Variants in TRMT11 observed in about 807,000 individuals in gnomAD.
TRMT11 encodes tRNA methyltransferase 11, also known as tRNA (guanine(10)-N(2))-methyltransferase TRMT11.
In TRMT11, 53 loss-of-function variants were observed where a neutral mutation model predicts 62.8. The observed-to-expected ratio is 0.84, with a 90% confidence interval of 0.68 to 1.06. TRMT11 has a LOEUF of 1.06. Among genes scored for constraint, TRMT11 ranks in the 50% least tolerant of loss-of-function variants. The probability of loss-of-function intolerance (pLI) is 0.00; values close to 1 mark genes in which losing one functional copy is unlikely to be tolerated. For missense variants in TRMT11, 556 were observed against 553.4 expected (o/e 1.00, Z -0.05); for synonymous variants, 188 against 190.3 (o/e 0.99, Z 0.10).
In TRMT11 at chr6:126,186,712, T is replaced by C. The variant is rs572223189; in HGVS notation, n.143+9377T>C. On this transcript the variant is annotated intron_variant and non_coding_transcript_variant, in intron 1 of 3. Transcript: ENST00000444229. Reference sequence around the variant, plus strand: ...TGTTAAATATCCGCATAGATCTTTGTAATGTTTAGTCACTTTTTTCCCTTG... The same window carrying C: ...TGTTAAATATCCGCATAGATCTTTGCAATGTTTAGTCACTTTTTTCCCTTG... 4.6e-5 allele frequency among the ~76,000 whole-genome samples: 7 copies of C among 152,246 alleles called. No homozygotes were observed. In the South Asian group the frequency reaches 1.4e-3, roughly 32 times the overall value.
At chr6:125,988,073 G>A (rs1789964962) in intron 1 of TRMT11, among the ~76,000 whole-genome samples, 1 of 152,206 alleles carries the variant, frequency 6.6e-6, no homozygotes, top group South Asian at 2.1e-4. Flanking sequence ...CCATGAAGAA[G>A]ATGGGCAAGT....
chr6:126,151,927 C>CTTTCTTTCTT (rs1562334954), intron 21 of TRMT11, among the ~76,000 whole-genome samples: 2 of 92,166 alleles, frequency 2.2e-5, no homozygotes, highest in Non-Finnish European at 4.3e-5. Flanking sequence ...TTCTTTCTTT[C>CTTTCTTTCTT]TTTCTTTCTT....
the TRMT11 span, among the ~76,000 whole-genome samples, chr6:126,253,625 C>G: frequency 6.6e-6 from 1 of 152,166 alleles, no homozygotes; most frequent in Non-Finnish European, 1.5e-5. Context: ...CACTAGGCGA[C>G]AGGAATTTTT....
At chr6:126,060,805 A>G (rs191177160) in intron 17 of TRMT11, among the ~76,000 whole-genome samples, 175 of 152,328 alleles carry the variant, frequency 1.1e-3, no homozygotes, top group African/African-American at 4.0e-3. Flanking sequence ...ACTATATTAG[A>G]TTTCTGAGTC....
At chr6:126,228,045 C>T in the TRMT11 span, among the ~76,000 whole-genome samples, 1 of 152,214 alleles carries the variant, frequency 6.6e-6, no homozygotes, top group Admixed American at 6.5e-5. Context: ...GGCCCCTTGG[C>T]CAATCTGCAC....
intron 21 of TRMT11, among the ~76,000 whole-genome samples, chr6:126,151,822 C>CTTTAG (rs1554242202): frequency 1.5e-4 from 17 of 112,314 alleles, no homozygotes; most frequent in African/African-American, 3.3e-4. Flanking sequence ...TTCTTTCTTT[C>CTTTAG]TTTCTTTCTT....
chr6:125,996,007 C>T lies in TRMT11; in HGVS notation c.179C>T (p.Ala60Val). The T allele has an allele frequency of 6.2e-7, 1 of 1,612,394 alleles. No homozygotes were observed. Among genetic ancestry groups the T allele is most frequent in the South Asian group, 1.1e-5 (1 of 91,030 alleles). ...CTTAGCATTCCCTCTGAAGATATTG[C>T]AAGAAATTTGATGAAACGGACAGTG... is the stretch of plus-strand genomic sequence containing the variant. Reference protein sequence around the residue: ...WILSIPSEDIARNLMKRTVCA... With the variant: ...WILSIPSEDIVRNLMKRTVCA... Residue 60 changes from alanine (A) to valine (V), a missense_variant, in exon 3 of 13, where the codon GCA becomes GTA. Transcript: ENST00000334379.
the TRMT11 span, among the ~76,000 whole-genome samples, chr6:126,250,881 A>C: frequency 6.6e-6 from 1 of 152,200 alleles, no homozygotes; most frequent in Non-Finnish European, 1.5e-5. Flanking sequence ...CAAATTGATA[A>C]ACCATCTATC....
At chr6:126,197,317 C>T (rs935133800) in intron 1 of TRMT11, among the ~76,000 whole-genome samples, 3 of 152,080 alleles carry the variant, frequency 2.0e-5, no homozygotes, top group African/African-American at 7.2e-5. Context: ...GGATTTATGC[C>T]TTAGAAAAAA....
At chr6:126,142,029 G>A (rs1433809342) in intron 21 of TRMT11, among the ~76,000 whole-genome samples, 1 of 152,012 alleles carries the variant, frequency 6.6e-6, no homozygotes, top group Admixed American at 6.6e-5. Context: ...AGAGGTTTGT[G>A]TCCTTTTTAT....
chr6:126,167,825 C>T (rs1412002194), intron 21 of TRMT11, among the ~76,000 whole-genome samples: 1 of 152,174 alleles, frequency 6.6e-6, no homozygotes, highest in Non-Finnish European at 1.5e-5. Context: ...ACATATGTTT[C>T]TGGGTAGGTT....
At chr6:126,113,759 A>C (rs1042002074) in intron 18 of TRMT11, among the ~76,000 whole-genome samples, 2 of 152,070 alleles carry the variant, frequency 1.3e-5, no homozygotes, top group African/African-American at 4.8e-5. Flanking sequence ...GTAGGCTCTC[A>C]ATATTAGCAG....
intron 12 of TRMT11, among the ~76,000 whole-genome samples, chr6:126,021,610 A>G (rs1457614785): frequency 6.6e-6 from 1 of 152,138 alleles, no homozygotes; most frequent in Non-Finnish European, 1.5e-5. Flanking sequence ...CCTAGTTACC[A>G]TTTTTCTCCA....
intron 21 of TRMT11, among the ~76,000 whole-genome samples, chr6:126,154,889 G>C (rs1206379556): frequency 6.6e-6 from 1 of 152,108 alleles, no homozygotes; most frequent in Non-Finnish European, 1.5e-5. Flanking sequence ...CCTTGATTTT[G>C]AGATTCCTGA....
intron 1 of TRMT11, among the ~76,000 whole-genome samples, chr6:126,180,954 T>C (rs1352832089): frequency 6.6e-6 from 1 of 152,236 alleles, no homozygotes; most frequent in Non-Finnish European, 1.5e-5. Flanking sequence ...AAACAAATTA[T>C]ATTTTACTTT....
At chr6:126,128,639 A>G (rs558460373) in intron 21 of TRMT11, among the ~76,000 whole-genome samples, 1 of 152,000 alleles carries the variant, frequency 6.6e-6, no homozygotes, top group African/African-American at 2.4e-5. Context: ...TCCCCACAAT[A>G]CCTACTGCCT....
chr6:125,998,767 CT>C, intron 6 of TRMT11, 83 bp downstream of exon 6: 1 of 1,340,652 alleles, frequency 7.5e-7, no homozygotes, highest in Non-Finnish European at 1.0e-6. Flanking sequence ...CTATGTAGAA[CT>C]TTAAAGCAGC....
In TRMT11 at chr6:126,026,383, G is replaced by GT. The variant is rs199678636; in HGVS notation, c.1260+5112dup. On this transcript the variant is annotated intron_variant, in intron 12 of 12. Transcript: ENST00000334379. The stretch of plus-strand genomic sequence containing the variant: ...ATTAAAAGGTAAATATTCTTTTTAT[G>GT]TTTTTTTTTAATTTTTTTTTTGAGA... 1.6e-3 allele frequency among the ~76,000 whole-genome samples: 229 copies of GT among 142,500 alleles called. 5 individuals are homozygous for GT. The East Asian group carries it at 0.024, about 15-fold the overall frequency. The allele number at this position is 142,500 out of a possible 152,430, so 93.5% of individuals were successfully genotyped here.
chr6:126,008,248 T>G, intron 7 of TRMT11, 144 bp from the exon 8 acceptor site: 2 of 742,792 alleles, frequency 2.7e-6, no homozygotes, highest in Non-Finnish European at 4.8e-6. Context: ...TTTTCAGTCC[T>G]GAGGCTTACT....
Sources: gnomAD v4.1 joint callset for allele counts (sites outside exome capture counted in the v4.1 genomes callset) on GRCh38, gnomAD v4.1.1 for gene constraint, MANE v1.5 for transcripts, NCBI Gene and HGNC (gene_info 2026-07-23, HGNC 2026-07-21) for gene names.